Variants in TLE4 observed in about 807,000 individuals in gnomAD.
The protein encoded by TLE4 is transducin-like enhancer protein 4.
A neutral mutation model predicts 92.8 loss-of-function variants in TLE4; 8 were observed. The ratio of observed to expected loss-of-function variants is 0.09; its 90% CI spans 0.05 to 0.16. The LOEUF is 0.16. Among genes scored for constraint, TLE4 ranks in the 10% least tolerant of loss-of-function variants. The pLI is 1.00. For synonymous variants in TLE4, 371 were observed against 374.1 expected (o/e 0.99, Z 0.10); for missense variants, 675 against 997.6 (o/e 0.68, Z 4.36).
chr9:79,686,859 ATCT>A (rs2065968324), intron 8 of TLE4, among the ~76,000 whole-genome samples: 1 of 152,238 alleles, frequency 6.6e-6, no homozygotes, highest in African/African-American at 2.4e-5. Context: ...AGCGAAGTTT[ATCT>A]GTCAGTTGTG....
intron 8 of TLE4, among the ~76,000 whole-genome samples, chr9:79,684,552 A>G (rs1010459231): frequency 6.6e-6 from 1 of 152,172 alleles, no homozygotes; most frequent in Non-Finnish European, 1.5e-5. Flanking sequence ...TTGCCTGATG[A>G]TCTGAAGTGG....
At chr9:79,587,669 C>G (rs1488675866) in intron 4 of TLE4, among the ~76,000 whole-genome samples, 1 of 152,114 alleles carries the variant, frequency 6.6e-6, no homozygotes, top group Non-Finnish European at 1.5e-5. Context: ...TAAAACAATC[C>G]TAATATTGCC....
At chr9:79,690,902 A>G (rs895905567) in intron 8 of TLE4, among the ~76,000 whole-genome samples, 1 of 150,682 alleles carries the variant, frequency 6.6e-6, no homozygotes, top group African/African-American at 2.4e-5. Flanking sequence ...TCCCGAAGCA[A>G]TGAGATTACA....
At chr9:79,637,463 T>C (rs374123928) in intron 6 of TLE4, among the ~76,000 whole-genome samples, 46 of 152,312 alleles carry the variant, frequency 3.0e-4, no homozygotes, top group African/African-American at 1.1e-3. Context: ...TTGTCTCTTA[T>C]TTGTTCTCTT....
At chr9:79,667,837 C>T (rs565274899) in intron 8 of TLE4, among the ~76,000 whole-genome samples, 2 of 152,248 alleles carry the variant, frequency 1.3e-5, no homozygotes, top group East Asian at 1.9e-4. Context: ...CATGAAGATT[C>T]GAGATTCTTA....
chr9:79,598,244 G>A (rs551016278), intron 4 of TLE4, among the ~76,000 whole-genome samples: 18 of 135,794 alleles, frequency 1.3e-4, no homozygotes, highest in African/African-American at 4.5e-4. Context: ...GCAAGACTCC[G>A]TCTCAAAAAA....
At chr9:79,584,112 A>G (rs2040443562) in intron 4 of TLE4, among the ~76,000 whole-genome samples, 1 of 152,220 alleles carries the variant, frequency 6.6e-6, no homozygotes, top group South Asian at 2.1e-4. Flanking sequence ...AGAAGAGGAA[A>G]TAGTAGGTTT....
intron 5 of TLE4, among the ~76,000 whole-genome samples, chr9:79,615,342 G>T (rs2049289486): frequency 6.6e-6 from 1 of 152,164 alleles, no homozygotes; most frequent in South Asian, 2.1e-4. Flanking sequence ...CTGTGTGACA[G>T]TCTCGCTACC....
chr9:79,719,232 C>T (rs1218533645), intron 15 of TLE4, among the ~76,000 whole-genome samples: 3 of 152,028 alleles, frequency 2.0e-5, no homozygotes, highest in African/African-American at 7.2e-5. Context: ...CGCTTGTTTT[C>T]CTCTCTGATG....
intron 8 of TLE4, among the ~76,000 whole-genome samples, chr9:79,658,973 A>G (rs2060151929): frequency 6.6e-6 from 1 of 152,134 alleles, no homozygotes; most frequent in East Asian, 1.9e-4. Flanking sequence ...CAGCATATCC[A>G]CTGTAACCTA....
chr9:79,642,724 T>C (rs996627786), intron 6 of TLE4, among the ~76,000 whole-genome samples: 1 of 152,116 alleles, frequency 6.6e-6, no homozygotes, highest in Non-Finnish European at 1.5e-5. Context: ...GTTTTCTCCT[T>C]CTTTTCTTGC....
intron 4 of TLE4, 109 bp from the exon 5 acceptor site, chr9:79,612,547 T>C (rs1202884445): frequency 1.9e-6 from 2 of 1,039,222 alleles, no homozygotes; most frequent in Non-Finnish European, 3.0e-6. Context: ...TTAGGAAATA[T>C]GCCAGCCAAA....
chr9:79,676,263 T>A (rs1332058520), intron 8 of TLE4, among the ~76,000 whole-genome samples: 1 of 152,232 alleles, frequency 6.6e-6, no homozygotes, highest in East Asian at 1.9e-4. Flanking sequence ...CTTTTGTTAC[T>A]ACTGAAACTA....
At chr9:79,668,001 T>C (rs2061676459) in intron 8 of TLE4, among the ~76,000 whole-genome samples, 1 of 152,256 alleles carries the variant, frequency 6.6e-6, no homozygotes, top group South Asian at 2.1e-4. Context: ...AGTCGTTGAA[T>C]AATTCACATA....
intron 8 of TLE4, chr9:79,704,552 G>A (rs531784208): frequency 4.5e-5 from 23 of 515,888 alleles, no homozygotes; most frequent in Admixed American, 7.4e-5. Flanking sequence ...GCCTCTTCTC[G>A]TTTTTTCTTT....
chr9:79,581,616 C>T (rs1485382624), intron 4 of TLE4, among the ~76,000 whole-genome samples: 2 of 152,180 alleles, frequency 1.3e-5, no homozygotes, highest in African/African-American at 2.4e-5. Flanking sequence ...TCATAATGAT[C>T]CTAAGACAGG....
intron 5 of TLE4, among the ~76,000 whole-genome samples, chr9:79,618,522 C>T (rs2133251992): frequency 6.6e-6 from 1 of 152,304 alleles, no homozygotes; most frequent in South Asian, 2.1e-4. Flanking sequence ...TTATTAAACT[C>T]ATGGTCATTG....
At chr9:79,684,612 A>G (rs369544075) in intron 8 of TLE4, among the ~76,000 whole-genome samples, 3 of 152,208 alleles carry the variant, frequency 2.0e-5, no homozygotes, top group South Asian at 2.1e-4. Context: ...ACCTCCGTCC[A>G]TGGAAAAATT....
intron 5 of TLE4, among the ~76,000 whole-genome samples, chr9:79,623,130 G>A (rs143811937): frequency 1.8e-3 from 269 of 151,892 alleles, no homozygotes; most frequent in Non-Finnish European, 3.2e-3. Context: ...ACTAAACATC[G>A]GCAGTAATCA....
Sources: gnomAD v4.1 joint callset for allele counts (sites outside exome capture counted in the v4.1 genomes callset) on GRCh38, gnomAD v4.1.1 for gene constraint, MANE v1.5 for transcripts, NCBI Gene and HGNC (gene_info 2026-07-23, HGNC 2026-07-21) for gene names.